MIPEP: variants seen among roughly 807,000 people sequenced by gnomAD.
MIPEP encodes mitochondrial intermediate peptidase.
In MIPEP, 79 loss-of-function variants were observed where a neutral mutation model predicts 90.3. The ratio of observed to expected loss-of-function variants is 0.87; its 90% CI spans 0.73 to 1.05. The LOEUF is 1.05. Ranked by LOEUF, MIPEP falls within the 50% of genes least tolerant of loss-of-function variation. MIPEP has a pLI of 0.00. For synonymous variants in MIPEP, 334 were observed against 315.8 expected (o/e 1.06, Z -0.61); for missense variants, 940 against 905.6 (o/e 1.04, Z -0.49).
chr13:23,874,788 G>T, intron 5 of MIPEP, 58 bp downstream of exon 5: 1 of 1,377,706 alleles, frequency 7.3e-7, no homozygotes, highest in Non-Finnish European at 1.0e-6. Context: ...TAGCAATAAT[G>T]GTATCAACTA....
intron 16 of MIPEP, among the ~76,000 whole-genome samples, chr13:23,785,025 T>C (rs1482213434): frequency 6.6e-6 from 1 of 152,152 alleles, no homozygotes; most frequent in East Asian, 1.9e-4. Context: ...ATAGGAACAC[T>C]TTTACACTGT....
chr13:23,771,382 G>A (rs1268648420), intron 16 of MIPEP, among the ~76,000 whole-genome samples: 1 of 152,080 alleles, frequency 6.6e-6, no homozygotes, highest in East Asian at 1.9e-4. Flanking sequence ...ATGATAAAAG[G>A]AGCAAGAATA....
At chr13:23,754,082 T>C (rs540851465) in intron 18 of MIPEP, among the ~76,000 whole-genome samples, 1 of 152,334 alleles carries the variant, frequency 6.6e-6, no homozygotes, top group South Asian at 2.1e-4. Context: ...AAGGTACCTA[T>C]AAAAAGTTAC....
chr13:23,839,730 GA>G lies in MIPEP; in HGVS notation c.1261-5del, dbSNP rs574575253. ...CTTCAGATTCATGAACAACAGCCTAGAAAAAAAAATTTAAATTTGGTGGTAA... is the reference window on the plus strand; with the variant it reads ...CTTCAGATTCATGAACAACAGCCTAGAAAAAAAATTTAAATTTGGTGGTAA... On this transcript the variant is annotated splice_region_variant and splice_polypyrimidine_tract_variant and intron_variant, in intron 11 of 18. Transcript: ENST00000382172. 231 of 1,594,050 alleles carry G rather than the reference GA, an allele frequency of 1.4e-4. No individual in the cohort carries two copies. In the African/African-American group the frequency reaches 1.8e-3, roughly 12 times the overall value.
chr13:23,782,351 G>A (rs1952791064), intron 16 of MIPEP, among the ~76,000 whole-genome samples: 1 of 152,150 alleles, frequency 6.6e-6, no homozygotes, highest in Admixed American at 6.5e-5. Flanking sequence ...GCTCCTGAAC[G>A]ACCACCGGGT....
At chr13:23,886,960 T>C (rs1339620621) in intron 1 of MIPEP, among the ~76,000 whole-genome samples, 1 of 152,140 alleles carries the variant, frequency 6.6e-6, no homozygotes, top group Non-Finnish European at 1.5e-5. Context: ...TTTTTCATCA[T>C]GTACAATGGG....
At chr13:23,833,364 T>A (rs563517647) in intron 14 of MIPEP, among the ~76,000 whole-genome samples, 94 of 152,338 alleles carry the variant, frequency 6.2e-4, no homozygotes, top group African/African-American at 2.0e-3. Context: ...CCATTCTCCA[T>A]GAGAATCACA....
chr13:23,833,818 C>G lies in MIPEP; in HGVS notation c.1653+2422G>C, dbSNP rs374248516. The stretch of plus-strand genomic sequence containing the variant: ...TGTCCTCCCACGCCCTGTGTTCGCG[C>G]CCCTCGCCAGACCCTCTTTCCGCAG... On this transcript the variant is annotated intron_variant, in intron 14 of 18. Coordinates refer to ENST00000382172, the MANE Select transcript of MIPEP (RefSeq NM_005932.4). Among the ~76,000 whole-genome samples the G allele has an allele frequency of 3.5e-4, 54 of 152,298 alleles. No homozygotes were observed. The East Asian group carries it at 9.7e-3, about 27-fold the overall frequency.
At chr13:23,810,476 T>C (rs1953159804) in intron 14 of MIPEP, among the ~76,000 whole-genome samples, 1 of 152,252 alleles carries the variant, frequency 6.6e-6, no homozygotes, top group Admixed American at 6.5e-5. Flanking sequence ...CCCTATGTGA[T>C]TTAAGGCTTT....
chr13:23,757,436 A>G (rs778985740), intron 17 of MIPEP, among the ~76,000 whole-genome samples: 1 of 152,198 alleles, frequency 6.6e-6, no homozygotes, highest in Non-Finnish European at 1.5e-5. Context: ...CTGTTACAGA[A>G]TAAGTAAAAT....
At chr13:23,886,948 T>C (rs1871511944) in intron 1 of MIPEP, among the ~76,000 whole-genome samples, 1 of 152,048 alleles carries the variant, frequency 6.6e-6, no homozygotes, top group Non-Finnish European at 1.5e-5. Flanking sequence ...AGGAGAAATA[T>C]TTTTTTCATC....
intron 18 of MIPEP, among the ~76,000 whole-genome samples, chr13:23,750,050 T>A (rs1470228827): frequency 6.6e-6 from 1 of 151,636 alleles, no homozygotes; most frequent in Non-Finnish European, 1.5e-5. Flanking sequence ...GTGGTGTCAC[T>A]GCTAAAAACC....
rs886456921 is a variant in MIPEP, at chr13:23,805,869, A to G, written c.1848+81T>C. On this transcript the variant is annotated intron_variant, in intron 16 of 18. Coordinates refer to ENST00000382172, the MANE Select transcript of MIPEP (RefSeq NM_005932.4). Reference sequence around the variant, plus strand: ...TAAATGTAGGGATTTCAAGTTCTCCAAAGGGGAAGATAATCACAAGCTACA... The same window carrying G: ...TAAATGTAGGGATTTCAAGTTCTCCGAAGGGGAAGATAATCACAAGCTACA... 14 of 1,479,146 alleles carry G rather than the reference A, an allele frequency of 9.5e-6. No individual in the cohort carries two copies. In the African/African-American group the frequency reaches 1.5e-4, roughly 16 times the overall value. 91.6% of individuals were successfully genotyped at this position (1,479,146 alleles called of 1,614,324 possible).
intron 14 of MIPEP, among the ~76,000 whole-genome samples, chr13:23,815,841 T>A (rs994471275): frequency 1.3e-5 from 2 of 152,190 alleles, no homozygotes; most frequent in Non-Finnish European, 2.9e-5. Context: ...TTGAAAATAT[T>A]TTCTCCACCT....
intron 16 of MIPEP, among the ~76,000 whole-genome samples, chr13:23,768,729 T>C (rs1173826707): frequency 1.3e-5 from 2 of 152,122 alleles, no homozygotes; most frequent in African/African-American, 4.8e-5. Context: ...AGTGAGACTC[T>C]GTCTCAAAAA....
chr13:23,785,188 A>G (rs1293323591), intron 16 of MIPEP, among the ~76,000 whole-genome samples: 1 of 152,214 alleles, frequency 6.6e-6, no homozygotes. Context: ...GCACTTGCAC[A>G]TGTATGTTTA....
At chr13:23,803,267 G>A (rs1164078557) in intron 16 of MIPEP, among the ~76,000 whole-genome samples, 1 of 152,002 alleles carries the variant, frequency 6.6e-6, no homozygotes, top group Non-Finnish European at 1.5e-5. Context: ...GGAGGCTGAG[G>A]AAGGAGAATT....
chr13:23,758,067 C>G (rs1952505248), intron 17 of MIPEP, among the ~76,000 whole-genome samples: 1 of 152,140 alleles, frequency 6.6e-6, no homozygotes, highest in South Asian at 2.1e-4. Flanking sequence ...AACACTAGCC[C>G]TGGTCACATC....
In MIPEP at chr13:23,752,480, C is replaced by T. The variant is rs574674324; in HGVS notation, c.2044+4065G>A. 3.3e-5 allele frequency among the ~76,000 whole-genome samples: 5 copies of T among 152,236 alleles called. No homozygotes were observed. The South Asian group carries it at 1.0e-3, about 32-fold the overall frequency. On this transcript the variant is annotated intron_variant, in intron 18 of 18. Transcript: ENST00000382172. The stretch of plus-strand genomic sequence containing the variant: ...TGAAGTGGCTGTAATGGAAACTGAA[C>T]CTTAGATCATGCTCACCATAGCATA...
Sources: allele counts gnomAD v4.1 joint callset (sites outside exome capture counted in the v4.1 genomes callset), GRCh38; gene constraint gnomAD v4.1.1; transcripts MANE v1.5; gene names NCBI Gene and HGNC (gene_info 2026-07-23, HGNC 2026-07-21).